The following MYCBP2 variants were observed in gnomAD, a reference collection of about 807,000 sequenced individuals.
MYCBP2 encodes the protein MYC binding protein 2.
In MYCBP2, 120 loss-of-function variants were observed where a neutral mutation model predicts 525.3. The ratio of observed to expected loss-of-function variants is 0.23; its 90% CI spans 0.20 to 0.27. The LOEUF (loss-of-function observed/expected upper bound fraction) is 0.27. Among genes scored for constraint, MYCBP2 ranks in the 10% least tolerant of loss-of-function variants. The pLI, the probability that MYCBP2 is intolerant of heterozygous loss-of-function variation, is 1.00. For synonymous variants in MYCBP2, 1,894 were observed against 1,955.8 expected, an observed-to-expected ratio of 0.97 and a Z score of 0.83; for missense variants, 4,149 against 5,657.1, an observed-to-expected ratio of 0.73 and a Z score of 8.55.
chr13:77,184,512 G>T (rs2060545480), intron 32 of MYCBP2, among the ~76,000 whole-genome samples: 1 of 152,202 alleles, frequency 6.6e-6, no homozygotes, highest in South Asian at 2.1e-4. Flanking sequence ...GTCAGATCAA[G>T]ATGGTTGACA....
At chr13:77,140,652 T>G (rs779609525) in intron 50 of MYCBP2, among the ~76,000 whole-genome samples, 194 bp downstream of exon 50, 6 of 152,200 alleles carry the variant, frequency 3.9e-5, no homozygotes, top group African/African-American at 1.4e-4. Flanking sequence ...GAATACAATA[T>G]GTACCAAATA....
At chr13:77,291,767 CAAA>C (rs112850991) in intron 2 of MYCBP2, among the ~76,000 whole-genome samples, 103 of 104,112 alleles carry the variant, frequency 9.9e-4, no homozygotes, top group African/African-American at 3.4e-3. Flanking sequence ...AACTCTGTCT[CAAA>C]AAAAAAAAAA....
chr13:77,072,171 C>T (rs1253327240), intron 68 of MYCBP2, among the ~76,000 whole-genome samples: 3 of 151,452 alleles, frequency 2.0e-5, no homozygotes, highest in African/African-American at 7.3e-5. Context: ...GGCGCCTGTA[C>T]TCCCAGCTAC....
At position 77,273,547 on chromosome 13, in the gene MYCBP2, T is replaced by C. The variant is rs767493003; in HGVS notation, c.870A>G (p.Gly290=). ...ACLFSLVASW[G]ETGRTLQAIS... is the part of the protein sequence containing the mutation. ...TGGCCTGAAGTGTCCTTCCTGTTTC[T>C]CCCCAAGAAGCCACCAGACTAAAGA... Residue 290 remains glycine, a synonymous_variant, in exon 5 of 83, where the codon GGA becomes GGG. Transcript: ENST00000544440. 6.2e-7 allele frequency: 1 copy of C among 1,613,630 alleles called. No homozygotes were observed. Among genetic ancestry groups the C allele is most frequent in the Non-Finnish European group, 8.5e-7 (1 of 1,179,818 alleles).
intron 78 of MYCBP2, among the ~76,000 whole-genome samples, chr13:77,057,761 C>T (rs1478255376): frequency 6.7e-6 from 1 of 150,248 alleles, no homozygotes; most frequent in African/African-American, 2.4e-5. Context: ...ATTTGCTCCT[C>T]ATTAGCCTGG....
At chr13:77,257,250 G>A (rs1255074942) in intron 14 of MYCBP2, among the ~76,000 whole-genome samples, 1 of 152,112 alleles carries the variant, frequency 6.6e-6, no homozygotes, top group Non-Finnish European at 1.5e-5. Flanking sequence ...GGTAGTCAGG[G>A]AGAGTGGGTG....
At chr13:77,128,524 A>G (rs1420953913) in intron 52 of MYCBP2, among the ~76,000 whole-genome samples, 1 of 151,928 alleles carries the variant, frequency 6.6e-6, no homozygotes, top group Non-Finnish European at 1.5e-5. Flanking sequence ...CTGAAAGGCA[A>G]TTATGAAAAC....
At chr13:77,065,763 C>T (rs1254091706) in intron 72 of MYCBP2, among the ~76,000 whole-genome samples, 3 of 152,082 alleles carry the variant, frequency 2.0e-5, no homozygotes, top group African/African-American at 4.8e-5. Context: ...TTTAAAGTCA[C>T]GTAACAATTC....
At chr13:77,112,111 A>G (rs1177505237) in intron 55 of MYCBP2, among the ~76,000 whole-genome samples, 4 of 151,992 alleles carry the variant, frequency 2.6e-5, no homozygotes, top group Middle Eastern at 6.8e-3. Flanking sequence ...TCCTCAAACT[A>G]TCAATGCAGT....
chr13:77,086,237 C>T (rs1283511615), intron 62 of MYCBP2, among the ~76,000 whole-genome samples: 2 of 152,158 alleles, frequency 1.3e-5, no homozygotes, highest in East Asian at 1.9e-4. Flanking sequence ...TTTCTTTCAG[C>T]ACGTTGAAAA....
chr13:77,190,229 T>C (rs2061168859), intron 29 of MYCBP2, 23 bp downstream of exon 29: 1 of 1,441,522 alleles, frequency 6.9e-7, no homozygotes, highest in Non-Finnish European at 9.7e-7. Flanking sequence ...ACCATACTAA[T>C]TCAGTATAAA....
chr13:77,252,418 A>G (rs1348226749), intron 14 of MYCBP2, among the ~76,000 whole-genome samples: 1 of 152,234 alleles, frequency 6.6e-6, no homozygotes, highest in East Asian at 1.9e-4. Flanking sequence ...AGTAAGAAAG[A>G]CAGACATTAA....
At chr13:77,267,962 G>A in intron 7 of MYCBP2, 25 bp from the exon 8 acceptor site, 1 of 1,516,648 alleles carries the variant, frequency 6.6e-7, no homozygotes, top group Non-Finnish European at 9.1e-7. Context: ...AAATTTTCCT[G>A]TTAAAATATT....
intron 1 of MYCBP2, among the ~76,000 whole-genome samples, chr13:77,308,685 G>C (rs2079765367): frequency 6.6e-6 from 1 of 152,226 alleles, no homozygotes; most frequent in Non-Finnish European, 1.5e-5. Flanking sequence ...GTTATTTTGA[G>C]AGGTGATCCC....
chr13:77,205,232 G>A (rs2154275392), intron 26 of MYCBP2, 24 bp downstream of exon 26: 5 of 1,506,134 alleles, frequency 3.3e-6, no homozygotes, highest in African/African-American at 1.4e-5. Context: ...AACAAAAAAG[G>A]ACAACATTGT....
intron 5 of MYCBP2, among the ~76,000 whole-genome samples, 178 bp from the exon 6 acceptor site, chr13:77,270,716 A>T (rs1363368833): frequency 6.6e-6 from 1 of 152,216 alleles, no homozygotes; most frequent in East Asian, 1.9e-4. Context: ...ATCTCAAGCA[A>T]GGTAGACTTC....
intron 27 of MYCBP2, among the ~76,000 whole-genome samples, chr13:77,192,060 T>C (rs1369312790): frequency 6.6e-6 from 1 of 152,256 alleles, no homozygotes; most frequent in East Asian, 1.9e-4. Flanking sequence ...TTAAATGTTA[T>C]AAAACTTTCA....
At chr13:77,056,546 T>A (rs1003484077) in intron 79 of MYCBP2, among the ~76,000 whole-genome samples, 2 of 152,226 alleles carry the variant, frequency 1.3e-5, no homozygotes, top group Non-Finnish European at 2.9e-5. Flanking sequence ...AAGAACTTTC[T>A]CCTTGTTTTA....
At chr13:77,315,136 A>C (rs2080779569) in intron 1 of MYCBP2, among the ~76,000 whole-genome samples, 1 of 152,222 alleles carries the variant, frequency 6.6e-6, no homozygotes, top group African/African-American at 2.4e-5. Flanking sequence ...ACTATTAAAG[A>C]ACGTGAATTT....
Sources: allele counts gnomAD v4.1 joint callset (sites outside exome capture counted in the v4.1 genomes callset), GRCh38; gene constraint gnomAD v4.1.1; transcripts MANE v1.5; gene names NCBI Gene and HGNC (gene_info 2026-07-23, HGNC 2026-07-21).